Variants in LFNG observed in about 807,000 individuals in gnomAD.
LFNG encodes the protein beta-1,3-N-acetylglucosaminyltransferase lunatic fringe.
Under a neutral mutation model 32.7 loss-of-function variants are expected in LFNG, and 15 were observed. The observed-to-expected ratio is 0.46, with a 90% confidence interval of 0.31 to 0.71. LFNG has a LOEUF of 0.71. LFNG is among the 30% of genes least tolerant of loss of function. The pLI, the probability that LFNG is intolerant of heterozygous loss-of-function variation, is 0.06. For synonymous variants in LFNG, 274 were observed against 246.8 expected (o/e 1.11, Z -1.03); for missense variants, 520 against 545.7 (o/e 0.95, Z 0.47).
At chr7:2,515,053 T>C (rs1484563244), upstream of LFNG, among the ~76,000 whole-genome samples, 1 of 151,110 alleles carries the variant, frequency 6.6e-6, no homozygotes, top group Non-Finnish European at 1.5e-5. Flanking sequence ...CATCTGTCCA[T>C]CCATCCATCC....
intron 2 of LFNG, 62 bp downstream of exon 2, chr7:2,524,805 C>G (rs1004323296): frequency 2.2e-5 from 32 of 1,439,354 alleles, no homozygotes; most frequent in Non-Finnish European, 2.7e-5. Flanking sequence ...AACGCTCCCC[C>G]TCCAGTCTCC....
Position 2,520,456 on chromosome 7 carries a change from TG to T in LFNG, c.432+167del, listed in dbSNP as rs1779759570. Among the ~76,000 whole-genome samples the T allele has an allele frequency of 6.6e-6, 1 of 152,176 alleles. No homozygotes were observed. Among genetic ancestry groups the T allele is most frequent in the South Asian group, 2.1e-4 (1 of 4,832 alleles). ...ACCCCGGTGCACCCAGTTTGCCTGCTGGGGCCACTCTCCCGTTACAGTTGTG... is the reference window on the plus strand; with the variant it reads ...ACCCCGGTGCACCCAGTTTGCCTGCTGGGCCACTCTCCCGTTACAGTTGTG... On this transcript the variant is annotated intron_variant, in intron 1 of 7. Coordinates refer to ENST00000222725, the MANE Select transcript of LFNG (RefSeq NM_001040167.2). The surrounding 1 kb of genome is among the most constrained non-coding windows in gnomAD (Gnocchi z 5.0).
chr7:2,526,310 C>T lies in LFNG; in HGVS notation c.888C>T (p.Ile296=), dbSNP rs749018235. The change falls in exon 6 of 8, where the codon ATC becomes ATT. Residue 296 remains isoleucine (I), a synonymous_variant. Coordinates refer to ENST00000222725, the MANE Select transcript of LFNG (RefSeq NM_001040167.2). The surrounding 1 kb of genome is among the most constrained non-coding windows in gnomAD (Gnocchi z 6.9). The part of the protein sequence containing the change: ...RLPDDCTIGY[I]VEALLGVPLI... ...CTGATGACTGCACCATCGGCTACAT[C>T]GTGGAGGCCCTGCTGGGTGTGCCCC... 5.0e-6 allele frequency: 8 copies of T among 1,612,780 alleles called. No individual in the cohort carries two copies. The highest frequency in any genetic ancestry group is 4.0e-5 in the African/African-American group (3 of 74,918).
Position 2,527,402 on chromosome 7 carries a change from GA to G in LFNG, c.*191del. 5 of 1,472,278 alleles carry G rather than the reference GA, an allele frequency of 3.4e-6. No individual in the cohort carries two copies. Among genetic ancestry groups the G allele is most frequent in the Non-Finnish European group, 4.5e-6 (5 of 1,111,892 alleles). 91.2% of individuals were successfully genotyped at this position (1,472,278 alleles called of 1,614,324 possible). On this transcript the variant is annotated 3_prime_UTR_variant, in exon 8 of 8. Transcript: ENST00000222725. This position sits in a 1 kb window ranked among gnomAD's most constrained non-coding sequence, Gnocchi z 4.4. ...GGCTGCTGGGCAGTTCTGCTCTGTGGAGGGGCGGGCACCAGCGCCACTTATG... is the reference window on the plus strand; with the variant it reads ...GGCTGCTGGGCAGTTCTGCTCTGTGGGGGGCGGGCACCAGCGCCACTTATG...
Position 2,520,413 on chromosome 7 carries a change from T to C in LFNG, c.432+120T>C, listed in dbSNP as rs2128375275. ...TCCCCATCCAGCCACTAGGGCCATC[T>C]GTGGGCGACGCCAGTGCACCCCGGT... is the stretch of plus-strand genomic sequence containing the variant. On this transcript the variant is annotated intron_variant, in intron 1 of 7. Coordinates refer to ENST00000222725, the MANE Select transcript of LFNG (RefSeq NM_001040167.2). The surrounding 1 kb of genome is among the most constrained non-coding windows in gnomAD (Gnocchi z 5.0). 1.1e-6 allele frequency: 1 copy of C among 916,362 alleles called. No homozygotes were observed. 56.8% of individuals were successfully genotyped at this position (916,362 alleles called of 1,614,324 possible). A position where few individuals can be genotyped will look rare whatever the true frequency, so the allele number is the denominator to read the frequency against.
intron 1 of LFNG, among the ~76,000 whole-genome samples, chr7:2,523,331 G>C (rs1779845765): frequency 6.6e-6 from 1 of 152,132 alleles, no homozygotes; most frequent in South Asian, 2.1e-4. Context: ...CGGAGACCCA[G>C]CCTGCCACCC....
At chr7:2,517,964 G>A (rs34911934), upstream of LFNG, 39,059 of 1,117,730 alleles carry the variant, frequency 0.035, 805 homozygotes, top group Non-Finnish European at 0.039. Flanking sequence ...GAGTGGGTGG[G>A]ATGGGGGTGG....
upstream of LFNG, among the ~76,000 whole-genome samples, chr7:2,519,045 G>C (rs949366990): frequency 6.6e-6 from 1 of 152,228 alleles, no homozygotes; most frequent in Non-Finnish European, 1.5e-5. Context: ...TTCATCCGGC[G>C]AGGGAAGTGG....
In LFNG at chr7:2,521,331, G is replaced by A. The variant is rs1779783575; in HGVS notation, c.432+1038G>A. On this transcript the variant is annotated intron_variant, in intron 1 of 7. Transcript: ENST00000222725. The stretch of plus-strand genomic sequence containing the variant: ...CCATTCCCAGGGGCTCAGCGGGCTG[G>A]CGGGAGGGGGCGGCGGGGGCCGTGG... 2.0e-5 allele frequency among the ~76,000 whole-genome samples: 3 copies of A among 152,254 alleles called. No individual in the cohort carries two copies. In the South Asian group the frequency reaches 6.2e-4, roughly 31 times the overall value.
upstream of LFNG, chr7:2,513,321 C>T (rs1195870981): frequency 6.9e-6 from 11 of 1,601,610 alleles, no homozygotes; most frequent in East Asian, 6.7e-5. Flanking sequence ...GGTGGCCTCT[C>T]TCAGCAGGTG....
At position 2,526,830 on chromosome 7, in the gene LFNG, C is replaced by T. The variant is rs767620142; in HGVS notation, c.988-6C>T. ...CTCCCGGCATCACTCCGCCCGCTCC[C>T]CACAGGTGACGCTGAGCTACGGTAT... On this transcript the variant is annotated splice_polypyrimidine_tract_variant and splice_region_variant and intron_variant, in intron 6 of 7. Transcript: ENST00000222725. This position sits in a 1 kb window ranked among gnomAD's most constrained non-coding sequence, Gnocchi z 6.9. 8.1e-6 allele frequency: 13 copies of T among 1,612,322 alleles called. No individual in the cohort carries two copies. The highest frequency in any genetic ancestry group is 1.3e-5 in the African/African-American group (1 of 74,960).
At chr7:2,519,373 G>A (rs1390674394), upstream of LFNG, among the ~76,000 whole-genome samples, 1 of 151,542 alleles carries the variant, frequency 6.6e-6, no homozygotes, top group South Asian at 2.1e-4. Flanking sequence ...TGTCCCCCGC[G>A]GTGCGTCGGA....
Position 2,525,585 on chromosome 7 carries a change from C to T in LFNG, c.735+18C>T. ...ACAAGGTGGTGAGTGCCTGCCCCTC[C>T]CAGTCCCCCACGCCCACGCGGAGCG... On this transcript the variant is annotated intron_variant, in intron 4 of 7. Transcript: ENST00000222725. 1 of 1,612,128 alleles carries T rather than the reference C, an allele frequency of 6.2e-7. No individual in the cohort carries two copies. The highest frequency in any genetic ancestry group is 8.5e-7 in the Non-Finnish European group (1 of 1,179,686).
At chr7:2,523,671 C>T (rs1218683496) in intron 1 of LFNG, 1 of 152,228 alleles carries the variant, frequency 6.6e-6, no homozygotes, top group East Asian at 1.9e-4. Context: ...TCCTCTTCCG[C>T]AGAGCGCTCC....
chr7:2,519,084 G>C (rs1216297596), upstream of LFNG, among the ~76,000 whole-genome samples: 1 of 152,190 alleles, frequency 6.6e-6, no homozygotes, highest in Non-Finnish European at 1.5e-5. Flanking sequence ...GCCATGGGGC[G>C]CCTGAGGATT....
At chr7:2,515,048 G>GTCCA (rs1554289653), upstream of LFNG, among the ~76,000 whole-genome samples, 7 of 52,070 alleles carry the variant, frequency 1.3e-4, no homozygotes, top group African/African-American at 7.6e-4. Context: ...CCATCCATCT[G>GTCCA]TCCATCCATC....
chr7:2,514,423 C>G (rs1779558782), upstream of LFNG, among the ~76,000 whole-genome samples: 1 of 152,244 alleles, frequency 6.6e-6, no homozygotes, highest in Non-Finnish European at 1.5e-5. Context: ...CAGCTGACAT[C>G]CAGCACCCTC....
intron 1 of LFNG, among the ~76,000 whole-genome samples, chr7:2,523,123 C>G (rs1481155207): frequency 6.6e-6 from 1 of 152,246 alleles, no homozygotes; most frequent in Non-Finnish European, 1.5e-5. Context: ...GAGAACAGGC[C>G]TCCCTTGATC....
At chr7:2,519,586 G>T (rs1472920276), upstream of LFNG, among the ~76,000 whole-genome samples, 1 of 150,420 alleles carries the variant, frequency 6.6e-6, no homozygotes, top group Middle Eastern at 3.2e-3. Flanking sequence ...GCGTGCACGT[G>T]CGCGCCGGGG....
Sources: gnomAD v4.1 joint callset for allele counts (sites outside exome capture counted in the v4.1 genomes callset) on GRCh38, gnomAD v4.1.1 for gene constraint, Gnocchi (gnomAD v3.1) non-coding constraint, MANE v1.5 for transcripts, NCBI Gene and HGNC (gene_info 2026-07-23, HGNC 2026-07-21) for gene names.